EPHB4: variants seen among roughly 807,000 people sequenced by gnomAD.
The protein encoded by EPHB4 is ephrin type-B receptor 4.
A neutral mutation model predicts 110.6 loss-of-function variants in EPHB4; 50 were observed. That is an observed-to-expected ratio of 0.45 (90% confidence interval 0.36 to 0.57). The LOEUF (loss-of-function observed/expected upper bound fraction) is 0.57. Ranked by LOEUF, EPHB4 falls within the 20% of genes least tolerant of loss-of-function variation. The pLI is 0.00. For synonymous variants in EPHB4, 592 were observed against 578.4 expected, an observed-to-expected ratio of 1.02 and a Z score of -0.34; for missense variants, 1,128 against 1,382.1, an observed-to-expected ratio of 0.82 and a Z score of 2.91.
rs755595176 is a variant in EPHB4, at chr7:100,805,541, T to C, written c.2638A>G (p.Asn880Asp). 8 of 1,527,268 alleles carry C rather than the reference T, an allele frequency of 5.2e-6. No homozygotes were observed. Among genetic ancestry groups the C allele is most frequent in the Non-Finnish European group, 7.0e-6 (8 of 1,137,968 alleles). The allele number at this position is 1,527,268 out of a possible 1,614,324, so 94.6% of individuals were successfully genotyped here. A position where few individuals can be genotyped will look rare whatever the true frequency, so the allele number is the denominator to read the frequency against. ...VVSALDKMIR[N>D]PASLKIVARE... ...GCCACGATTTTGAGGCTGGCGGGGT[T>C]CCGGATCATCTTGTCCAGGGCGCTG... is the stretch of plus-strand genomic sequence containing the variant. Residue 880 changes from asparagine (N) to aspartate (D), a missense_variant, in exon 15 of 17, where the codon AAC (asparagine) becomes GAC (aspartate). Transcript: ENST00000358173.
intron 13 of EPHB4, 27 bp from the exon 14 acceptor site, chr7:100,806,596 T>C: frequency 1.2e-6 from 2 of 1,602,400 alleles, no homozygotes; most frequent in Non-Finnish European, 1.7e-6. Flanking sequence ...AAAGGTGAGC[T>C]GGGGGACTCA....
At position 100,817,283 on chromosome 7, in the gene EPHB4, C is replaced by G. The variant is rs772278379; in HGVS notation, c.1497G>C (p.Arg499=). 6.2e-7 allele frequency: 1 copy of G among 1,600,250 alleles called. No homozygotes were observed. Among genetic ancestry groups the G allele is most frequent in the Non-Finnish European group, 8.5e-7 (1 of 1,174,550 alleles). The change falls in exon 8 of 17, where the codon CGG becomes CGC. Residue 499 remains arginine (R), a synonymous_variant. Coordinates refer to ENST00000358173, the MANE Select transcript of EPHB4 (RefSeq NM_004444.5). ...ENRAELRGLK[R]GASYLVQVRA... is the part of the protein sequence containing the mutation. ...GTACCTGCACCAGGTAGCTGGCTCC[C>G]CGCTTCAGCCCCCGCAGCTCTGCCC...
At chr7:100,815,938 T>C (rs1813055565) in intron 8 of EPHB4, among the ~76,000 whole-genome samples, 1 of 152,144 alleles carries the variant, frequency 6.6e-6, no homozygotes, top group Non-Finnish European at 1.5e-5. Flanking sequence ...CAATGAGCTA[T>C]GATGGTGCCA....
At chr7:100,804,927 C>T (rs1296411979) in intron 16 of EPHB4, among the ~76,000 whole-genome samples, 3 of 152,186 alleles carry the variant, frequency 2.0e-5, no homozygotes. Context: ...GCGCGATGGC[C>T]CAGGGCTGTG....
rs777749349 is a variant in EPHB4 at position 100,823,869 on chromosome 7, G to A, written c.186C>T (p.Asp62=). ...QHSVRTYEVC[D]VQRAPGQAHW... ...GGGCCTGGCCCGGGGCACGCTGCAC[G>A]TCACACACTTCGTAGGTGCGCACGC... Residue 62 remains aspartate (D), a synonymous_variant, in exon 3 of 17, where the codon GAC becomes GAT. Transcript: ENST00000358173. The A allele has an allele frequency of 4.3e-6, 7 of 1,611,916 alleles. No individual in the cohort carries two copies. Among genetic ancestry groups the A allele is most frequent in the East Asian group, 2.2e-5 (1 of 44,846 alleles).
rs763645511 is a variant in EPHB4 at position 100,805,657 on chromosome 7, G to A, written c.2522C>T (p.Pro841Leu). The A allele has an allele frequency of 1.7e-5, 26 of 1,535,038 alleles. No homozygotes were observed. Among genetic ancestry groups the A allele is most frequent in the Admixed American group, 2.2e-5 (1 of 44,892 alleles). The change falls in exon 15 of 17, where the codon CCG becomes CTG. Residue 841 changes from proline (P) to leucine (L), a missense_variant. Physicochemically the swap from Pro to Leu is moderately conservative, Grantham distance 98. This residue lies in a region of EPHB4 where 209 missense variants were observed against 240.5 expected (regional missense o/e 0.87). Transcript: ENST00000358173. ...NAIEQDYRLP[P>L]PPDCPTSLHQ... ...GAGGGAGGTGGGACAGTCTGGGGGC[G>A]GGGGCAGCCGGTAGTCCTGTTCAAT...
At chr7:100,826,095 AG>A (rs1368991304) in intron 1 of EPHB4, among the ~76,000 whole-genome samples, 1 of 152,184 alleles carries the variant, frequency 6.6e-6, no homozygotes, top group Non-Finnish European at 1.5e-5. Context: ...AGACAGAGAA[AG>A]GGGGGTGTTG....
At chr7:100,806,373 G>A in intron 14 of EPHB4, 47 bp downstream of exon 14, 1 of 1,577,396 alleles carries the variant, frequency 6.3e-7, no homozygotes, top group Non-Finnish European at 8.6e-7. Context: ...CAAATCCCAG[G>A]TGAGAGAACA....
At chr7:100,805,031 A>T in intron 16 of EPHB4, 135 bp downstream of exon 16, 1 of 1,199,912 alleles carries the variant, frequency 8.3e-7, no homozygotes, top group Non-Finnish European at 1.1e-6. Flanking sequence ...GGGCCCTTCT[A>T]GGCATGGCAT....
At chr7:100,821,501 G>A (rs1813232345) in intron 4 of EPHB4, among the ~76,000 whole-genome samples, 1 of 150,680 alleles carries the variant, frequency 6.6e-6, no homozygotes, top group Non-Finnish European at 1.5e-5. Context: ...TGGTGGCGGG[G>A]CCTGTAGTCC....
intron 12 of EPHB4, among the ~76,000 whole-genome samples, chr7:100,810,559 T>TGATGA (rs1812904721): frequency 6.6e-6 from 1 of 151,766 alleles, no homozygotes; most frequent in African/African-American, 2.4e-5. Context: ...CTGGGCAACA[T>TGATGA]AGCGAGACCC....
At chr7:100,823,114 C>T (rs978491181) in intron 3 of EPHB4, among the ~76,000 whole-genome samples, 1 of 152,006 alleles carries the variant, frequency 6.6e-6, no homozygotes, top group Non-Finnish European at 1.5e-5. Flanking sequence ...TAGAAGACCC[C>T]GCTTTAAAAA....
At chr7:100,816,786 A>G (rs867258493) in intron 8 of EPHB4, among the ~76,000 whole-genome samples, 3 of 151,462 alleles carry the variant, frequency 2.0e-5, no homozygotes, top group African/African-American at 7.3e-5. Flanking sequence ...GAAGAAGGAC[A>G]TGAAGATAGG....
At position 100,813,090 on chromosome 7, in the gene EPHB4, C is replaced by G; in HGVS notation, c.1870+5G>C. 1 of 1,613,458 alleles carries G rather than the reference C, an allele frequency of 6.2e-7. No individual in the cohort carries two copies. ...CCAGGTGCCCGGGCAGCCTTCGGCT[C>G]TCACCTGCACCAATCACCTCTTCAA... On this transcript the variant is annotated splice_donor_5th_base_variant and intron_variant, in intron 11 of 16. Coordinates refer to ENST00000358173, the MANE Select transcript of EPHB4 (RefSeq NM_004444.5).
chr7:100,812,636 G>A, intron 12 of EPHB4, 111 bp downstream of exon 12: 3 of 1,424,710 alleles, frequency 2.1e-6, no homozygotes, highest in South Asian at 1.4e-5. Flanking sequence ...AGAGGAAAAG[G>A]CTGGAGGAGG....
At position 100,817,348 on chromosome 7, in the gene EPHB4, C is replaced by G. The variant is rs1295858477; in HGVS notation, c.1432G>C (p.Gly478Arg). ...EVKYHEKGAE[G>R]PSSVRFLKTS... is the part of the protein sequence containing the mutation. The stretch of plus-strand genomic sequence containing the variant: ...TTCAGGAACCGCACGCTGCTGGGAC[C>G]CTCGGCGCCCTGTCCGGGAGAGGTA... The change falls in exon 8 of 17, where the codon GGT (glycine) becomes CGT (arginine). Residue 478 changes from glycine to arginine, a missense_variant. Gly to Arg is a moderately radical substitution (Grantham distance 125). Transcript: ENST00000358173. The G allele has an allele frequency of 6.4e-7, 1 of 1,568,982 alleles. No individual in the cohort carries two copies. The highest frequency in any genetic ancestry group is 1.8e-5 in the Admixed American group (1 of 54,082).
intron 6 of EPHB4, 85 bp from the exon 7 acceptor site, chr7:100,818,729 G>A (rs893491128): frequency 6.8e-7 from 1 of 1,464,800 alleles, no homozygotes; most frequent in Non-Finnish European, 9.1e-7. Context: ...TCGAGACGGA[G>A]TCGTGCTCTA....
intron 1 of EPHB4, 126 bp downstream of exon 1, chr7:100,826,853 A>T: frequency 2.8e-6 from 2 of 720,088 alleles, no homozygotes; most frequent in East Asian, 4.8e-5. Flanking sequence ...TATCGGTCCG[A>T]AGTGTTTGGG....
chr7:100,823,397 G>A lies in EPHB4; in HGVS notation c.411+247C>T, dbSNP rs149577466. On this transcript the variant is annotated intron_variant, in intron 3 of 16. Transcript: ENST00000358173. ...GGCTGGAGCACAGTGGGGTAGGGTG[G>A]TTGAGGTGACTGGAGGAGAAGCCTG... Among the ~76,000 whole-genome samples, 577 of 152,192 alleles carry A rather than the reference G, an allele frequency of 3.8e-3. 5 individuals are homozygous for A. Among genetic ancestry groups the A allele is most frequent in the African/African-American group, 0.013 (542 of 41,438 alleles).
Sources: gnomAD v4.1 joint callset for allele counts (sites outside exome capture counted in the v4.1 genomes callset) on GRCh38, gnomAD v4.1.1 for gene constraint, gnomAD v4.1.1 regional missense constraint, MANE v1.5 for transcripts, NCBI Gene and HGNC (gene_info 2026-07-23, HGNC 2026-07-21) for gene names.